GSTA5: variants seen among roughly 807,000 people sequenced by gnomAD.
GSTA5 encodes glutathione S-transferase alpha 5.
A neutral mutation model predicts 21.8 loss-of-function variants in GSTA5; 25 were observed. The ratio of observed to expected loss-of-function variants is 1.14; its 90% CI spans 0.83 to 1.60. The LOEUF is 1.60. Ranked by LOEUF, GSTA5 falls within the 40% of genes most tolerant of loss-of-function variation. The probability of loss-of-function intolerance (pLI) is 0.00; values close to 1 mark genes in which losing one functional copy is unlikely to be tolerated. For synonymous variants in GSTA5, 102 were observed against 89.5 expected (o/e 1.14, Z -0.78); for missense variants, 330 against 259.2 (o/e 1.27, Z -1.88).
upstream of GSTA5, among the ~76,000 whole-genome samples, chr6:52,845,386 C>G (rs1211757758): frequency 6.6e-6 from 1 of 152,148 alleles, no homozygotes; most frequent in Non-Finnish European, 1.5e-5. Flanking sequence ...CGCTACAAAT[C>G]AGATAGGTAA....
At chr6:52,833,606 A>C (rs1332297278) in intron 4 of GSTA5, among the ~76,000 whole-genome samples, 2 of 152,190 alleles carry the variant, frequency 1.3e-5, no homozygotes, top group Non-Finnish European at 2.9e-5. Context: ...GGTGGACTGC[A>C]CTGATGTCTG....
intron 4 of GSTA5, among the ~76,000 whole-genome samples, chr6:52,833,289 CAT>C (rs754174470): frequency 0.98 from 148,821 of 152,174 alleles, 72,868 homozygotes; most frequent in South Asian, 1. Flanking sequence ...CACCTGCCTC[CAT>C]GTGTTCTGTC....
chr6:52,834,990 T>C (rs1764272504), intron 3 of GSTA5, among the ~76,000 whole-genome samples: 1 of 152,238 alleles, frequency 6.6e-6, no homozygotes, highest in African/African-American at 2.4e-5. Flanking sequence ...ACAATACTTT[T>C]TAAAACAAGA....
chr6:52,844,649 A>T (rs1764429173), upstream of GSTA5, among the ~76,000 whole-genome samples: 1 of 152,226 alleles, frequency 6.6e-6, no homozygotes, highest in Non-Finnish European at 1.5e-5. Context: ...TAAAAGCTGT[A>T]GGTTGTTTAG....
chr6:52,844,578 G>C (rs570504484), upstream of GSTA5, among the ~76,000 whole-genome samples: 11 of 152,286 alleles, frequency 7.2e-5, no homozygotes, highest in Admixed American at 5.9e-4. Flanking sequence ...CAATGACACT[G>C]TTTCTTATCG....
chr6:52,843,459 G>A (rs1237426305), upstream of GSTA5, among the ~76,000 whole-genome samples: 1 of 152,092 alleles, frequency 6.6e-6, no homozygotes, highest in Non-Finnish European at 1.5e-5. Context: ...GGCATGAGAT[G>A]GTATCTCATT....
exon 3 of GSTA5, chr6:52,836,322 C>T (rs1764292528): frequency 1.2e-6 from 2 of 1,613,588 alleles, no homozygotes; most frequent in Admixed American, 1.7e-5. Context: ...CCAGCTTCAT[C>T]CCGTCAATCT....
At chr6:52,834,688 A>G (rs1764268374) in intron 3 of GSTA5, among the ~76,000 whole-genome samples, 1 of 152,172 alleles carries the variant, frequency 6.6e-6, no homozygotes, top group African/African-American at 2.4e-5. Flanking sequence ...AAATGGCCAA[A>G]GAGCTGCCCT....
chr6:52,836,354 A>G, exon 3 of GSTA5: 1 of 1,613,526 alleles, frequency 6.2e-7, no homozygotes, highest in Non-Finnish European at 8.5e-7. Context: ...ACTTGCTGGA[A>G]CAGCAAACTC....
At chr6:52,841,536 A>G (rs1445243763), upstream of GSTA5, among the ~76,000 whole-genome samples, 1 of 152,218 alleles carries the variant, frequency 6.6e-6, no homozygotes, top group Non-Finnish European at 1.5e-5. Context: ...AAAGTCTTTC[A>G]ACAGAGAATG....
chr6:52,834,133 T>A lies in GSTA5; in HGVS notation c.414+8A>T. The A allele has an allele frequency of 6.2e-7, 1 of 1,614,126 alleles. No individual in the cohort carries two copies. The highest frequency in any genetic ancestry group is 8.5e-7 in the Non-Finnish European group (1 of 1,179,980). ...CAGTTCCCCTAAACATTGAACAGCT[T>A]CACTTACTTTTTCAAAGGCAGGGAA... On this transcript the variant is annotated splice_region_variant and intron_variant, in intron 4 of 5. Transcript: ENST00000370989.
chr6:52,842,097 C>T (rs1004531834), upstream of GSTA5, among the ~76,000 whole-genome samples: 1 of 152,322 alleles, frequency 6.6e-6, no homozygotes. Flanking sequence ...GAGAAATTGA[C>T]TGGGCTCATC....
chr6:52,845,137 C>A (rs1456066248), upstream of GSTA5, among the ~76,000 whole-genome samples: 1 of 152,026 alleles, frequency 6.6e-6, no homozygotes, highest in East Asian at 1.9e-4. Context: ...CTCTCTCTTT[C>A]CTTTTTAGCT....
At chr6:52,837,585 C>A in exon 2 of GSTA5, 1 of 1,608,708 alleles carries the variant, frequency 6.2e-7, no homozygotes. Flanking sequence ...AAATCTTCTG[C>A]AGATTCTAGA....
At chr6:52,834,372 G>A in intron 3 of GSTA5, 90 bp from the exon 4 acceptor site, 2 of 1,322,086 alleles carry the variant, frequency 1.5e-6, no homozygotes, top group South Asian at 2.9e-5. Flanking sequence ...GGGTCAGATG[G>A]TGGCAAAGTA....
chr6:52,834,489 C>T (rs4518491), intron 3 of GSTA5, among the ~76,000 whole-genome samples: 2 of 152,066 alleles, frequency 1.3e-5, no homozygotes, highest in Non-Finnish European at 2.9e-5. Context: ...CATTTATTTC[C>T]TAAAACAACC....
rs116539979 is a variant in GSTA5, at chr6:52,838,336, A to T, written c.88-727T>A. Among the ~76,000 whole-genome samples the T allele has an allele frequency of 8.3e-3, 1,260 of 152,320 alleles. 10 individuals carry two copies. Among genetic ancestry groups the T allele is most frequent in the Middle Eastern group, 0.014 (4 of 294 alleles). On this transcript the variant is annotated intron_variant, in intron 1 of 5. Coordinates refer to ENST00000370989, the Ensembl canonical transcript of GSTA5. ...GAAACTCTCTGTGTCTGAGTATGCT[A>T]ATCTATGAAATGGGTATACTTACGG...
chr6:52,840,671 A>G, intron 1 of GSTA5, 56 bp downstream of exon 1: 1 of 1,461,128 alleles, frequency 6.8e-7, no homozygotes, highest in Non-Finnish European at 9.6e-7. Flanking sequence ...CTGTGGGAAA[A>G]GTATGTGATA....
At chr6:52,843,812 A>G (rs192748725), upstream of GSTA5, among the ~76,000 whole-genome samples, 48 of 152,322 alleles carry the variant, frequency 3.2e-4, 1 homozygote, top group Admixed American at 1.5e-3. Flanking sequence ...CAATCCCCAC[A>G]CTAAGCTCCC....
Sources: gnomAD v4.1 joint callset for allele counts (sites outside exome capture counted in the v4.1 genomes callset) on GRCh38, gnomAD v4.1.1 for gene constraint, MANE v1.5 for transcripts, NCBI Gene and HGNC (gene_info 2026-07-23, HGNC 2026-07-21) for gene names.